CENPK: variants seen among roughly 807,000 people sequenced by gnomAD.
CENPK encodes the protein centromere protein K.
A neutral mutation model predicts 40.9 loss-of-function variants in CENPK; 46 were observed. That is an observed-to-expected ratio of 1.13 (90% confidence interval 0.89 to 1.44). CENPK has a LOEUF of 1.44. CENPK is among the 40% of genes most tolerant of loss of function. The pLI, the probability that CENPK is intolerant of heterozygous loss-of-function variation, is 0.00. For synonymous variants in CENPK, 107 were observed against 104.4 expected (o/e 1.02, Z -0.15); for missense variants, 288 against 303.5 (o/e 0.95, Z 0.38).
chr5:65,514,585 T>C (rs1180021900), downstream of CENPK, among the ~76,000 whole-genome samples: 1 of 152,090 alleles, frequency 6.6e-6, no homozygotes, highest in Non-Finnish European at 1.5e-5. Flanking sequence ...TGTTAAAGCA[T>C]TTCCTCTGCT....
the CENPK span, among the ~76,000 whole-genome samples, chr5:65,498,841 CAG>C: frequency 3.3e-5 from 5 of 151,754 alleles, no homozygotes; most frequent in African/African-American, 1.2e-4. Context: ...TTTGTAGAGA[CAG>C]AGTCTCGCCA....
At chr5:65,502,717 C>G in the CENPK span, among the ~76,000 whole-genome samples, 3 of 151,980 alleles carry the variant, frequency 2.0e-5, no homozygotes, top group Admixed American at 6.6e-5. Context: ...CTCTAACAAT[C>G]CTCCCACATC....
At chr5:65,532,869 A>T (rs1284971328) in intron 6 of CENPK, among the ~76,000 whole-genome samples, 5 of 124,086 alleles carry the variant, frequency 4.0e-5, no homozygotes, top group Admixed American at 2.2e-4. Context: ...AGATCACGCC[A>T]TTGCACTCCA....
At chr5:65,554,990 A>G (rs1750747988) in intron 2 of CENPK, 44 bp from the exon 3 acceptor site, 1 of 816,544 alleles carries the variant, frequency 1.2e-6, no homozygotes, top group African/African-American at 1.7e-5. Flanking sequence ...TTGGTTGAAC[A>G]CTTATTACCT....
intron 1 of CENPK, 53 bp from the exon 2 acceptor site, chr5:65,561,617 CACTT>C: frequency 3.1e-6 from 1 of 325,378 alleles, no homozygotes. Flanking sequence ...CACACACACA[CACTT>C]AAGAGTTGAA....
chr5:65,505,781 A>C, the CENPK span, among the ~76,000 whole-genome samples: 80 of 152,358 alleles, frequency 5.3e-4, 1 homozygote, highest in African/African-American at 1.9e-3. Context: ...GCTATAACCT[A>C]TTCAGATATT....
At chr5:65,558,694 G>C (rs1335545109) in intron 2 of CENPK, among the ~76,000 whole-genome samples, 1 of 152,204 alleles carries the variant, frequency 6.6e-6, no homozygotes, top group Non-Finnish European at 1.5e-5. Flanking sequence ...AGTAAAACCA[G>C]AGCATGGTTG....
chr5:65,555,092 C>T, intron 2 of CENPK, 146 bp from the exon 3 acceptor site: 1 of 498,840 alleles, frequency 2.0e-6, no homozygotes, highest in Non-Finnish European at 3.5e-6. Flanking sequence ...GTAAGGAAAA[C>T]AGACAATAAA....
intron 9 of CENPK, among the ~76,000 whole-genome samples, chr5:65,522,820 A>G (rs889359839): frequency 9.2e-5 from 14 of 152,258 alleles, no homozygotes; most frequent in Admixed American, 5.9e-4. Flanking sequence ...GTTTTCCTTC[A>G]TCCAGTCTCC....
chr5:65,505,128 G>A, the CENPK span, among the ~76,000 whole-genome samples: 1 of 151,654 alleles, frequency 6.6e-6, no homozygotes, highest in East Asian at 1.9e-4. Flanking sequence ...GTAGAGACAG[G>A]GTCTCACTTT....
intron 2 of CENPK, chr5:65,555,158 G>A: frequency 3.8e-6 from 1 of 261,682 alleles, no homozygotes; most frequent in Non-Finnish European, 7.0e-6. Context: ...TAAGTGCCAT[G>A]GAGAAAAGAC....
intron 9 of CENPK, among the ~76,000 whole-genome samples, chr5:65,527,008 T>C (rs1413036504): frequency 2.6e-5 from 4 of 151,952 alleles, no homozygotes; most frequent in African/African-American, 9.7e-5. Flanking sequence ...CAGGAGAATC[T>C]ATCACTTGAA....
chr5:65,532,909 C>CAAAAAA (rs1746108524), intron 6 of CENPK, among the ~76,000 whole-genome samples: 1 of 2,666 alleles, frequency 3.8e-4, no homozygotes, highest in Non-Finnish European at 2.2e-3. Context: ...AACTCCATCT[C>CAAAAAA]CAAAAAAAAA....
At chr5:65,525,512 T>C (rs1264192081) in intron 9 of CENPK, among the ~76,000 whole-genome samples, 1 of 152,236 alleles carries the variant, frequency 6.6e-6, no homozygotes, top group Non-Finnish European at 1.5e-5. Flanking sequence ...CTAACATTAA[T>C]TGTGATGTTC....
intron 6 of CENPK, among the ~76,000 whole-genome samples, chr5:65,532,955 C>G (rs1746144132): frequency 8.2e-6 from 1 of 122,386 alleles, no homozygotes; most frequent in East Asian, 2.6e-4. Context: ...AAAAATCAAT[C>G]AATGTAATTC....
intron 5 of CENPK, among the ~76,000 whole-genome samples, chr5:65,546,520 T>C (rs777292582): frequency 6.6e-6 from 1 of 152,220 alleles, no homozygotes; most frequent in African/African-American, 2.4e-5. Flanking sequence ...CTGCTTTAAA[T>C]ATATAGATTT....
chr5:65,527,419 C>T lies in CENPK; in HGVS notation c.597+1033G>A, dbSNP rs181188816. Among the ~76,000 whole-genome samples the T allele has an allele frequency of 4.8e-4, 71 of 148,728 alleles. No homozygotes were observed. In the East Asian group the frequency reaches 0.012, roughly 25 times the overall value. On this transcript the variant is annotated intron_variant, in intron 9 of 10. Transcript: ENST00000396679. ...TTACAGACTTCATTCCCTAGGGAGA[C>T]ATGAAAGATTTTATGCTGAAAATGA...
At chr5:65,542,645 A>AG (rs1486806102) in intron 6 of CENPK, among the ~76,000 whole-genome samples, 157 bp downstream of exon 6, 1 of 152,160 alleles carries the variant, frequency 6.6e-6, no homozygotes, top group Non-Finnish European at 1.5e-5. Flanking sequence ...TCCAAAAAAA[A>AG]AAAATCAAAT....
Position 65,526,730 on chromosome 5 carries a change from G to A in CENPK, c.597+1722C>T, listed in dbSNP as rs116391926. On this transcript the variant is annotated intron_variant, in intron 9 of 10. Coordinates refer to ENST00000396679, the MANE Select transcript of CENPK (RefSeq NM_022145.5). ...GTCCCAGCTGTGTGGAGGCTGAGGCGGGAGGATAGCTTCAACCCAGGAGTT... is the reference window on the plus strand; with the variant it reads ...GTCCCAGCTGTGTGGAGGCTGAGGCAGGAGGATAGCTTCAACCCAGGAGTT... Among the ~76,000 whole-genome samples, 504 of 152,132 alleles carry A rather than the reference G, an allele frequency of 3.3e-3. 4 individuals are homozygous for A. The highest frequency in any genetic ancestry group is 0.012 in the African/African-American group (482 of 41,502).
Sources: allele counts gnomAD v4.1 joint callset (sites outside exome capture counted in the v4.1 genomes callset), GRCh38; gene constraint gnomAD v4.1.1; transcripts MANE v1.5; gene names NCBI Gene and HGNC (gene_info 2026-07-23, HGNC 2026-07-21).